The following AP3B1 variants were observed in gnomAD, a reference collection of about 807,000 sequenced individuals.
The protein encoded by AP3B1 is adaptor related protein complex 3 subunit beta 1.
Under a neutral mutation model 132.5 loss-of-function variants are expected in AP3B1, and 61 were observed. The ratio of observed to expected loss-of-function variants is 0.46; its 90% CI spans 0.37 to 0.57. The LOEUF (loss-of-function observed/expected upper bound fraction) is 0.57. Among genes scored for constraint, AP3B1 ranks in the 20% least tolerant of loss-of-function variants. The pLI is 0.00. For synonymous variants in AP3B1, 388 were observed against 438.3 expected (o/e 0.89, Z 1.43); for missense variants, 1,120 against 1,289.4 (o/e 0.87, Z 2.01).
chr5:78,177,843 C>A (rs1339436546), intron 8 of AP3B1, among the ~76,000 whole-genome samples: 2 of 152,128 alleles, frequency 1.3e-5, no homozygotes, highest in Non-Finnish European at 2.9e-5. Flanking sequence ...CACCAGAAGC[C>A]AGGAAAGAGA....
chr5:78,100,912 T>A, intron 21 of AP3B1, 41 bp downstream of exon 21: 3 of 1,215,982 alleles, frequency 2.5e-6, no homozygotes, highest in Non-Finnish European at 3.5e-6. Context: ...AAAAATACTC[T>A]TACTAAACAC....
At chr5:78,010,495 G>GT (rs1258147435) in intron 26 of AP3B1, among the ~76,000 whole-genome samples, 1 of 152,134 alleles carries the variant, frequency 6.6e-6, no homozygotes, top group Non-Finnish European at 1.5e-5. Flanking sequence ...GGAGCTACAT[G>GT]TTTTTTGTTT....
chr5:78,177,496 A>G, intron 8 of AP3B1, 60 bp from the exon 9 acceptor site: 1 of 1,193,186 alleles, frequency 8.4e-7, no homozygotes, highest in Non-Finnish European at 1.3e-6. Flanking sequence ...TACAACCTCA[A>G]AATCCATTCC....
chr5:78,002,954 A>C lies in AP3B1; in HGVS notation c.3233T>G (p.Val1078Gly). ...AQLIINTEKT[V>G]IGSVLLRELK... ...TTCCCGCAGCAGAACAGAGCCAATCACAGTTTTCTCAGTGTTTATGATAAG... is the reference window on the plus strand; with the variant it reads ...TTCCCGCAGCAGAACAGAGCCAATCCCAGTTTTCTCAGTGTTTATGATAAG... The change falls in exon 27 of 27, where the codon GTG becomes GGG. Residue 1078 changes from valine to glycine, a missense_variant. Around this residue, in one of 3 missense-constraint regions of AP3B1, gnomAD observed 906 missense variants for 997.1 expected, o/e 0.91. Transcript: ENST00000255194. 1 of 1,614,186 alleles carries C rather than the reference A, an allele frequency of 6.2e-7. No homozygotes were observed.
chr5:78,250,557 T>C (rs1264469978), intron 2 of AP3B1, among the ~76,000 whole-genome samples: 1 of 152,112 alleles, frequency 6.6e-6, no homozygotes, highest in Non-Finnish European at 1.5e-5. Flanking sequence ...ACAGAAATTC[T>C]GGAAAAATAA....
chr5:78,056,691 T>C lies in AP3B1; in HGVS notation c.2578-17417A>G, dbSNP rs183335143. ...TAAATGATGTTGATGTTAAAAAATA[T>C]AGTATCACCATTTAACAGCCTTTTA... On this transcript the variant is annotated intron_variant, in intron 22 of 26. Transcript: ENST00000255194. Among the ~76,000 whole-genome samples, 809 of 152,340 alleles carry C rather than the reference T, an allele frequency of 5.3e-3. 10 individuals carry two copies. Among genetic ancestry groups the C allele is most frequent in the Non-Finnish European group, 5.5e-3 (375 of 68,022 alleles).
rs920648897 is a variant in AP3B1, at chr5:78,110,222, G to A, written c.2382C>T (p.Ser794=). ...SESEPESESE[S]RRVTKEKEKK... is the part of the protein sequence containing the mutation. ...AATCTCTTACCTTAGTGACTCTTCTGGATTCAGATTCACTTTCAGGTTCTG... is the reference window on the plus strand; with the variant it reads ...AATCTCTTACCTTAGTGACTCTTCTAGATTCAGATTCACTTTCAGGTTCTG... The change falls in exon 20 of 27, where the codon TCC becomes TCT. Residue 794 remains serine (S), a synonymous_variant. Coordinates refer to ENST00000255194, the MANE Select transcript of AP3B1 (RefSeq NM_003664.5). 6.2e-7 allele frequency: 1 copy of A among 1,605,278 alleles called. No individual in the cohort carries two copies. The highest frequency in any genetic ancestry group is 1.7e-5 in the Admixed American group (1 of 59,526).
intron 21 of AP3B1, among the ~76,000 whole-genome samples, chr5:78,096,772 C>A (rs1379474631): frequency 6.6e-6 from 1 of 151,616 alleles, no homozygotes; most frequent in Non-Finnish European, 1.5e-5. Context: ...CCCCTCCGCC[C>A]GGCAGCCGCC....
intron 7 of AP3B1, among the ~76,000 whole-genome samples, chr5:78,193,768 ATATTT>A (rs1744960084): frequency 4.5e-5 from 3 of 66,688 alleles, no homozygotes; most frequent in Non-Finnish European, 9.4e-5. Context: ...ATATATATAT[ATATTT>A]TTTTTTTAGA....
At chr5:78,183,093 T>C (rs1387414025) in intron 7 of AP3B1, among the ~76,000 whole-genome samples, 1 of 152,152 alleles carries the variant, frequency 6.6e-6, no homozygotes, top group African/African-American at 2.4e-5. Context: ...AGGACACACA[T>C]AGAACAGTAC....
At chr5:78,195,064 C>CA (rs35455070) in intron 7 of AP3B1, among the ~76,000 whole-genome samples, 54,279 of 137,478 alleles carry the variant, frequency 0.39, 9,868 homozygotes, top group Middle Eastern at 0.5. Context: ...TGGACCAAAC[C>CA]AAAAAAAAAA....
At chr5:78,261,430 T>C (rs915285659) in intron 2 of AP3B1, among the ~76,000 whole-genome samples, 29 of 152,318 alleles carry the variant, frequency 1.9e-4, no homozygotes, top group Admixed American at 3.3e-4. Context: ...TCCAGTCTTC[T>C]ACCCATTTTT....
At chr5:78,005,753 C>T (rs907721900) in intron 26 of AP3B1, among the ~76,000 whole-genome samples, 1 of 152,162 alleles carries the variant, frequency 6.6e-6, no homozygotes, top group African/African-American at 2.4e-5. Context: ...TTAATTGGAA[C>T]ACAGCATGAT....
At chr5:78,106,663 AT>A (rs1470788698) in intron 20 of AP3B1, among the ~76,000 whole-genome samples, 2 of 152,190 alleles carry the variant, frequency 1.3e-5, no homozygotes, top group Non-Finnish European at 2.9e-5. Context: ...GCAATGGTCT[AT>A]GCAGGTAATG....
intron 22 of AP3B1, among the ~76,000 whole-genome samples, chr5:78,081,219 A>C (rs1329128604): frequency 2.0e-5 from 3 of 152,116 alleles, no homozygotes; most frequent in Non-Finnish European, 1.5e-5. Flanking sequence ...TCTTCAGCAC[A>C]GAATACGACA....
At chr5:78,267,159 A>G (rs185738630) in intron 2 of AP3B1, among the ~76,000 whole-genome samples, 1 of 152,160 alleles carries the variant, frequency 6.6e-6, no homozygotes, top group East Asian at 1.9e-4. Flanking sequence ...AGGCTGTGAA[A>G]GGACAAAAAA....
chr5:78,002,990 G>A lies in AP3B1; in HGVS notation c.3197C>T (p.Ser1066Phe), dbSNP rs764100439. Residue 1066 changes from serine to phenylalanine, a missense_variant, in exon 27 of 27, where the codon TCT (serine) becomes TTT (phenylalanine). By Grantham distance (155) the Ser-to-Phe change is radical (BLOSUM62 -2). Transcript: ENST00000255194. ...AGTGTTTATGATAAGCTGGGCTGTA[G>A]AGCCTTCCTTCAGTTCCACTGTGAC... ...MLVTVELKEG[S>F]TAQLIINTEK... 61 of 1,614,172 alleles carry A rather than the reference G, an allele frequency of 3.8e-5. No homozygotes were observed. The East Asian group carries it at 1.2e-3, about 33-fold the overall frequency.
intron 6 of AP3B1, among the ~76,000 whole-genome samples, chr5:78,222,705 A>G (rs557505239): frequency 1.3e-5 from 2 of 152,298 alleles, no homozygotes; most frequent in South Asian, 4.1e-4. Context: ...AAAGCAGAAT[A>G]TAAAATTTAT....
At chr5:78,161,791 A>G (rs1028444039) in intron 13 of AP3B1, among the ~76,000 whole-genome samples, 4 of 152,032 alleles carry the variant, frequency 2.6e-5, no homozygotes, top group East Asian at 1.9e-4. Flanking sequence ...ACAAAAATCA[A>G]TGTTATCTGG....
Sources: allele counts gnomAD v4.1 joint callset (sites outside exome capture counted in the v4.1 genomes callset), GRCh38; gene constraint gnomAD v4.1.1; regional missense constraint gnomAD v4.1.1; transcripts MANE v1.5; gene names NCBI Gene and HGNC (gene_info 2026-07-23, HGNC 2026-07-21).